SH3PXD2B: variants seen among roughly 807,000 people sequenced by gnomAD.
SH3PXD2B encodes the protein SH3 and PX domains 2B, also known as SH3 and PX domain-containing protein 2B.
A neutral mutation model predicts 73.1 loss-of-function variants in SH3PXD2B; 37 were observed. The ratio of observed to expected loss-of-function variants is 0.51; its 90% CI spans 0.39 to 0.67. The LOEUF (loss-of-function observed/expected upper bound fraction) is 0.67, where lower values mean the gene tolerates loss of function less well. Among genes scored for constraint, SH3PXD2B ranks in the 30% least tolerant of loss-of-function variants. SH3PXD2B has a pLI of 0.00. For missense variants in SH3PXD2B, 1,053 were observed against 1,197.8 expected (o/e 0.88, Z 1.78); for synonymous variants, 457 against 480.5 (o/e 0.95, Z 0.64).
At chr5:172,434,787 T>TGTTTTTTTGTTTTTTTG (rs60450697) in intron 1 of SH3PXD2B, among the ~76,000 whole-genome samples, 3 of 149,342 alleles carry the variant, frequency 2.0e-5, no homozygotes, top group African/African-American at 7.5e-5. Flanking sequence ...CAATGGTTTT[T>TGTTTTTTTGTTTTTTTG]TTTTTTTTTT....
intron 3 of SH3PXD2B, among the ~76,000 whole-genome samples, chr5:172,401,938 A>C (rs1758429160): frequency 6.6e-6 from 1 of 152,240 alleles, no homozygotes; most frequent in Admixed American, 6.5e-5. Flanking sequence ...TTGTTTAAAC[A>C]ACATGAAATC....
intron 1 of SH3PXD2B, among the ~76,000 whole-genome samples, chr5:172,425,855 G>C (rs911498138): frequency 2.6e-5 from 4 of 152,140 alleles, no homozygotes; most frequent in Non-Finnish European, 5.9e-5. Flanking sequence ...GTTAGAGCTG[G>C]AGCGGACCAA....
Position 172,333,988 on chromosome 5 carries a change from G to C in SH3PXD2B, c.*4381C>G, listed in dbSNP as rs767075984. On this transcript the variant is annotated 3_prime_UTR_variant, in exon 13 of 13. Transcript: ENST00000311601. Reference sequence around the variant, plus strand: ...CTTATTGCTGATGTAAGCCTGGTGGGGGCACCTTCTTTTTTACATGAATAG... The same window carrying C: ...CTTATTGCTGATGTAAGCCTGGTGGCGGCACCTTCTTTTTTACATGAATAG... 8 of 1,195,646 alleles carry C rather than the reference G, an allele frequency of 6.7e-6. No homozygotes were observed. The highest frequency in any genetic ancestry group is 8.4e-6 in the Non-Finnish European group (8 of 950,384). The allele number at this position is 1,195,646 out of a possible 1,614,324, so 74.1% of individuals were successfully genotyped here. A position where few individuals can be genotyped will look rare whatever the true frequency, so the allele number is the denominator to read the frequency against.
chr5:172,350,634 C>T, intron 9 of SH3PXD2B, 45 bp from the exon 10 acceptor site: 1 of 1,542,630 alleles, frequency 6.5e-7, no homozygotes, highest in Non-Finnish European at 8.8e-7. Context: ...CCGCCAGGCC[C>T]AAGGGAAGAA....
At chr5:172,425,209 T>C (rs149195355) in intron 1 of SH3PXD2B, among the ~76,000 whole-genome samples, 4 of 152,216 alleles carry the variant, frequency 2.6e-5, no homozygotes, top group African/African-American at 7.2e-5. Flanking sequence ...ATGGTTTCCA[T>C]TCATTCACTC....
At chr5:172,454,187 G>C (rs1389731920) in intron 1 of SH3PXD2B, 91 bp downstream of exon 1, 2 of 1,103,970 alleles carry the variant, frequency 1.8e-6, no homozygotes, top group Non-Finnish European at 2.6e-6. Context: ...GACGGGAAGC[G>C]CTGGAGGCAG....
intron 9 of SH3PXD2B, among the ~76,000 whole-genome samples, chr5:172,352,462 A>G (rs1428660672): frequency 6.6e-6 from 1 of 152,104 alleles, no homozygotes; most frequent in Non-Finnish European, 1.5e-5. Flanking sequence ...CCTGGCCTCA[A>G]GTGATCCTCC....
intron 7 of SH3PXD2B, among the ~76,000 whole-genome samples, chr5:172,361,131 G>C (rs917077482): frequency 6.6e-6 from 1 of 151,970 alleles, no homozygotes; most frequent in Non-Finnish European, 1.5e-5. Flanking sequence ...TGATGTGTTT[G>C]TATATGTACA....
At chr5:172,358,701 A>T in intron 8 of SH3PXD2B, 72 bp downstream of exon 8, 1 of 1,406,358 alleles carries the variant, frequency 7.1e-7, no homozygotes, top group Non-Finnish European at 9.9e-7. Flanking sequence ...AGATTGGATG[A>T]AAAGGCAACC....
intron 1 of SH3PXD2B, among the ~76,000 whole-genome samples, chr5:172,446,908 G>A (rs1022379779): frequency 2.6e-5 from 4 of 152,156 alleles, no homozygotes; most frequent in African/African-American, 4.8e-5. Flanking sequence ...TAAACTCATC[G>A]CTTTCTAGTT....
rs753177386 is a variant in SH3PXD2B at position 172,338,319 on chromosome 5, G to A, written c.*50C>T. ...AAATTAAGAGGCGTATTAAATACGTGGGTAAAGCCAGCAAGGACCAGCGGG... is the reference window on the plus strand; with the variant it reads ...AAATTAAGAGGCGTATTAAATACGTAGGTAAAGCCAGCAAGGACCAGCGGG... On this transcript the variant is annotated 3_prime_UTR_variant, in exon 13 of 13. Coordinates refer to ENST00000311601, the MANE Select transcript of SH3PXD2B (RefSeq NM_001017995.3). The surrounding 1 kb of genome is among the most constrained non-coding windows in gnomAD (Gnocchi z 5.1). The A allele has an allele frequency of 5.6e-6, 9 of 1,612,896 alleles. No homozygotes were observed. In the Admixed American group the frequency reaches 1.5e-4, roughly 27 times the overall value.
rs1287803368 is a variant in SH3PXD2B at position 172,368,516 on chromosome 5, T to A, written c.427+5274A>T. Among the ~76,000 whole-genome samples, 5 of 18,364 alleles carry A rather than the reference T, an allele frequency of 2.7e-4. No homozygotes were observed. The South Asian group carries it at 0.011, about 40-fold the overall frequency. The allele number at this position is 18,364 out of a possible 152,430, so 12.0% of individuals were successfully genotyped here. A position where few individuals can be genotyped will look rare whatever the true frequency, so the allele number is the denominator to read the frequency against. ...ATATATTATATATATATATATAAAA[T>A]ATATATATATTATATATATATATAA... On this transcript the variant is annotated intron_variant, in intron 6 of 12. Transcript: ENST00000311601.
chr5:172,412,703 T>C (rs913139783), intron 2 of SH3PXD2B, among the ~76,000 whole-genome samples: 27 of 152,144 alleles, frequency 1.8e-4, no homozygotes, highest in African/African-American at 6.5e-4. Context: ...GGCCTTGAAG[T>C]AGGTTCTCCA....
rs1738090158 is a variant in SH3PXD2B at position 172,421,083 on chromosome 5, G to A, written c.156+1333C>T. On this transcript the variant is annotated intron_variant, in intron 2 of 12. Transcript: ENST00000311601. This position sits in a 1 kb window ranked among gnomAD's most constrained non-coding sequence, Gnocchi z 4.0. ...TTCTGACTGAAAAGAAGACTGTCAC[G>A]TCAGGATGGAGACTTGTGTTGGCCT... Among the ~76,000 whole-genome samples, 1 of 152,300 alleles carries A rather than the reference G, an allele frequency of 6.6e-6. No homozygotes were observed. Among genetic ancestry groups the A allele is most frequent in the East Asian group, 1.9e-4 (1 of 5,188 alleles).
intron 1 of SH3PXD2B, among the ~76,000 whole-genome samples, chr5:172,423,375 T>A (rs922661035): frequency 6.6e-6 from 1 of 152,164 alleles, no homozygotes; most frequent in East Asian, 1.9e-4. Flanking sequence ...AGAAATGTCA[T>A]AGAAACACAA....
chr5:172,326,109 T>TA (rs1217903140), intron 12 of SH3PXD2B, among the ~76,000 whole-genome samples: 4 of 152,186 alleles, frequency 2.6e-5, no homozygotes, highest in African/African-American at 9.6e-5. Context: ...TCTTAATACT[T>TA]AAAGGCCAAT....
At chr5:172,394,678 C>T (rs370018933) in intron 3 of SH3PXD2B, 39 bp from the exon 4 acceptor site, 18 of 1,607,584 alleles carry the variant, frequency 1.1e-5, no homozygotes, top group Non-Finnish European at 1.5e-5. Context: ...TGTCAGGGAA[C>T]AGGGACAAGC....
At chr5:172,408,330 C>T (rs1274477782) in intron 2 of SH3PXD2B, among the ~76,000 whole-genome samples, 2 of 151,670 alleles carry the variant, frequency 1.3e-5, no homozygotes, top group African/African-American at 2.4e-5. Flanking sequence ...TGCGGTGGCA[C>T]AATCATGGCT....
At position 172,394,586 on chromosome 5, in the gene SH3PXD2B, T is replaced by A; in HGVS notation, c.286A>T (p.Ile96Leu). 1 of 1,614,212 alleles carries A rather than the reference T, an allele frequency of 6.2e-7. No individual in the cohort carries two copies. Among genetic ancestry groups the A allele is most frequent in the Non-Finnish European group, 8.5e-7 (1 of 1,180,026 alleles). ...HIRDVAVKRLIPIDEYCKALI... is the reference protein window; with the variant it reads ...HIRDVAVKRLLPIDEYCKALI... ...ACCTTACAGTATTCATCAATTGGTA[T>A]CAGGCGTTTGACAGCCACGTCCCGG... is the stretch of plus-strand genomic sequence containing the variant. The change falls in exon 4 of 13, where the codon ATA (isoleucine) becomes TTA (leucine). Residue 96 changes from isoleucine to leucine, a missense_variant. Ile to Leu is a conservative substitution (Grantham distance 5, BLOSUM62 2). Transcript: ENST00000311601.
Sources: allele counts gnomAD v4.1 joint callset (sites outside exome capture counted in the v4.1 genomes callset), GRCh38; gene constraint gnomAD v4.1.1; non-coding constraint Gnocchi (gnomAD v3.1); transcripts MANE v1.5; gene names NCBI Gene and HGNC (gene_info 2026-07-23, HGNC 2026-07-21).